Variants in GPC6 observed in about 807,000 individuals in gnomAD.
GPC6 encodes the protein glypican-6.
Under a neutral mutation model 55.2 loss-of-function variants are expected in GPC6, and 14 were observed. The observed-to-expected ratio is 0.25, with a 90% CI of 0.17 to 0.40. The LOEUF is 0.40. Among genes scored for constraint, GPC6 ranks in the 10% least tolerant of loss-of-function variants. The pLI, the probability that GPC6 is intolerant of heterozygous loss-of-function variation, is 1.00. For missense variants in GPC6, 641 were observed against 708.5 expected (o/e 0.90, Z 1.08); for synonymous variants, 278 against 259.6 (o/e 1.07, Z -0.68).
chr13:93,499,349 G>A (rs1399553578), intron 1 of GPC6, among the ~76,000 whole-genome samples: 1 of 152,194 alleles, frequency 6.6e-6, no homozygotes, highest in Non-Finnish European at 1.5e-5. Flanking sequence ...GAGTTTGTTA[G>A]GACAAGGCAA....
At chr13:93,744,528 CTTTTTTTTTT>C (rs71736430) in intron 2 of GPC6, among the ~76,000 whole-genome samples, 4,473 of 97,282 alleles carry the variant, frequency 0.046, 194 homozygotes, top group South Asian at 0.16. Flanking sequence ...TTTCCCTAGT[CTTTTTTTTTT>C]TTTTTTTTTT....
At chr13:94,370,854 C>T (rs1263771848) in intron 6 of GPC6, among the ~76,000 whole-genome samples, 4 of 152,014 alleles carry the variant, frequency 2.6e-5, no homozygotes, top group Admixed American at 2.0e-4. Context: ...AAAACAGAAA[C>T]TTTTGAAAGA....
At chr13:93,835,597 A>C (rs1887702110) in intron 3 of GPC6, among the ~76,000 whole-genome samples, 1 of 152,130 alleles carries the variant, frequency 6.6e-6, no homozygotes, top group East Asian at 1.9e-4. Context: ...TACTAAAAAT[A>C]CAAAATTAGC....
intron 1 of GPC6, among the ~76,000 whole-genome samples, chr13:93,462,980 C>T (rs1383403169): frequency 6.6e-6 from 1 of 152,110 alleles, no homozygotes; most frequent in Admixed American, 6.6e-5. Context: ...GCCTTCTAGA[C>T]ATAGGACAGT....
chr13:94,402,796 G>C (rs144908862), intron 8 of GPC6, among the ~76,000 whole-genome samples: 1 of 152,104 alleles, frequency 6.6e-6, no homozygotes, highest in Non-Finnish European at 1.5e-5. Flanking sequence ...AGCCGTGGGG[G>C]AAGAGCCCCT....
At chr13:93,970,251 G>A (rs529890108) in intron 3 of GPC6, among the ~76,000 whole-genome samples, 1 of 152,120 alleles carries the variant, frequency 6.6e-6, no homozygotes, top group East Asian at 1.9e-4. Flanking sequence ...AACCTGTCAC[G>A]AAAAAAATTT....
chr13:93,929,333 T>C (rs556283924), intron 3 of GPC6, among the ~76,000 whole-genome samples: 2 of 152,328 alleles, frequency 1.3e-5, no homozygotes, highest in South Asian at 4.1e-4. Flanking sequence ...CCATACATTT[T>C]ATGCCAAAAA....
chr13:94,211,163 G>GT (rs1302551463), intron 4 of GPC6, among the ~76,000 whole-genome samples: 1 of 152,030 alleles, frequency 6.6e-6, no homozygotes, highest in African/African-American at 2.4e-5. Context: ...TTGGGGTTTT[G>GT]TTTTTTGTTT....
chr13:93,743,413 A>G (rs1184217915), intron 2 of GPC6, among the ~76,000 whole-genome samples: 1 of 152,224 alleles, frequency 6.6e-6, no homozygotes, highest in Non-Finnish European at 1.5e-5. Context: ...AGATAAAAAT[A>G]ACAAATCACT....
intron 1 of GPC6, among the ~76,000 whole-genome samples, chr13:93,334,164 G>A (rs977810889): frequency 2.6e-5 from 4 of 151,998 alleles, no homozygotes; most frequent in African/African-American, 7.3e-5. Context: ...TGTAATGCCT[G>A]CTCTGTAATA....
At chr13:93,776,081 G>C (rs1384242570) in intron 2 of GPC6, among the ~76,000 whole-genome samples, 2 of 99,524 alleles carry the variant, frequency 2.0e-5, no homozygotes, top group Non-Finnish European at 3.9e-5. Flanking sequence ...GGGGTGGGGG[G>C]GTGGTGTACA....
chr13:93,815,705 C>G lies in GPC6; in HGVS notation c.320-14449C>G, dbSNP rs144851975. 1.2e-3 allele frequency among the ~76,000 whole-genome samples: 188 copies of G among 152,250 alleles called. 3 individuals are homozygous for G. The highest frequency in any genetic ancestry group is 4.4e-3 in the African/African-American group (181 of 41,536). On this transcript the variant is annotated intron_variant, in intron 2 of 8. Coordinates refer to ENST00000377047, the MANE Select transcript of GPC6 (RefSeq NM_005708.5). ...AAATTAGGTTGACATTAAATTTATT[C>G]ATTTTCATTTAGTTCTTACACAATA...
At chr13:93,579,101 A>G (rs553102700) in intron 2 of GPC6, among the ~76,000 whole-genome samples, 1 of 152,202 alleles carries the variant, frequency 6.6e-6, no homozygotes, top group East Asian at 1.9e-4. Flanking sequence ...TAGGAAGGAG[A>G]GGAAGAGAGG....
chr13:93,434,680 A>G (rs904260945), intron 1 of GPC6, among the ~76,000 whole-genome samples: 1 of 152,120 alleles, frequency 6.6e-6, no homozygotes, highest in Non-Finnish European at 1.5e-5. Flanking sequence ...GGCTGTAGAT[A>G]ACACAGTTTA....
chr13:93,865,482 T>A (rs1487390870), intron 3 of GPC6, among the ~76,000 whole-genome samples: 1 of 151,714 alleles, frequency 6.6e-6, no homozygotes, highest in African/African-American at 2.4e-5. Flanking sequence ...GCTTTCCAGA[T>A]ATCTCACTGT....
At chr13:93,901,348 A>T (rs577841842) in intron 3 of GPC6, among the ~76,000 whole-genome samples, 28 of 152,288 alleles carry the variant, frequency 1.8e-4, no homozygotes, top group African/African-American at 6.5e-4. Flanking sequence ...TATTTGTATT[A>T]TACTTTTATT....
intron 1 of GPC6, among the ~76,000 whole-genome samples, chr13:93,305,139 G>A (rs1878812298): frequency 6.6e-6 from 1 of 152,116 alleles, no homozygotes; most frequent in Admixed American, 6.6e-5. Context: ...CACACCTGGG[G>A]TCGTTTAAAA....
intron 2 of GPC6, among the ~76,000 whole-genome samples, chr13:93,685,537 A>G (rs946459163): frequency 1.3e-5 from 2 of 152,188 alleles, no homozygotes; most frequent in African/African-American, 4.8e-5. Flanking sequence ...TGCCATTTAA[A>G]ATTAATTATG....
rs115193636 is a variant in GPC6, at chr13:93,605,461, A to G, written c.319+60040A>G. ...GACTAGTAGATCTGCTGATTTCTAT[A>G]TCAGGATAACCTGGAGATCATTTTC... is the stretch of plus-strand genomic sequence containing the variant. On this transcript the variant is annotated intron_variant, in intron 2 of 8. Transcript: ENST00000377047. Among the ~76,000 whole-genome samples the G allele has an allele frequency of 3.7e-3, 562 of 152,284 alleles. 6 individuals carry two copies. Among genetic ancestry groups the G allele is most frequent in the African/African-American group, 0.013 (534 of 41,550 alleles).
Sources: allele counts gnomAD v4.1 joint callset (sites outside exome capture counted in the v4.1 genomes callset), GRCh38; gene constraint gnomAD v4.1.1; transcripts MANE v1.5; gene names NCBI Gene and HGNC (gene_info 2026-07-23, HGNC 2026-07-21).